Variants in TJP1 observed in about 807,000 individuals in gnomAD.
TJP1 encodes the protein tight junction protein ZO-1.
Under a neutral mutation model 194.2 loss-of-function variants are expected in TJP1, and 43 were observed. The ratio of observed to expected loss-of-function variants is 0.22; its 90% CI spans 0.17 to 0.29. The LOEUF (loss-of-function observed/expected upper bound fraction) is 0.29, where lower values mean the gene tolerates loss of function less well. Among genes scored for constraint, TJP1 ranks in the 10% least tolerant of loss-of-function variants. The probability of loss-of-function intolerance (pLI) is 1.00; values close to 1 mark genes in which losing one functional copy is unlikely to be tolerated. For missense variants in TJP1, 1,971 were observed against 2,185.7 expected (o/e 0.90, Z 1.96); for synonymous variants, 801 against 779.0 (o/e 1.03, Z -0.47).
At chr15:29,795,398 T>TA (rs1436929565) in intron 2 of TJP1, among the ~76,000 whole-genome samples, 1 of 138,556 alleles carries the variant, frequency 7.2e-6, no homozygotes, top group African/African-American at 2.7e-5. Context: ...GCTTGGGTGA[T>TA]ACAGCAAGAC....
chr15:29,826,894 A>G (rs2050693701), upstream of TJP1, among the ~76,000 whole-genome samples: 1 of 152,128 alleles, frequency 6.6e-6, no homozygotes, highest in African/African-American at 2.4e-5. Flanking sequence ...GGTCAATGGG[A>G]AAATGAGGCA....
At chr15:29,712,729 G>T (rs2042314559) in intron 23 of TJP1, among the ~76,000 whole-genome samples, 1 of 150,924 alleles carries the variant, frequency 6.6e-6, no homozygotes, top group Admixed American at 6.6e-5. Context: ...CTAATAGTGA[G>T]CAAAGAAATT....
Position 29,718,724 on chromosome 15 carries a change from A to T in TJP1, c.3418T>A (p.Tyr1140Asn). ...TGTTCGTAACGTGGTCTGCTGTCGTAAGACAGAGGGGCTGGCTCTTCAAAA... is the reference window on the plus strand; with the variant it reads ...TGTTCGTAACGTGGTCTGCTGTCGTTAGACAGAGGGGCTGGCTCTTCAAAA... ...PRFEEPAPLS[Y>N]DSRPRYEQAP... is the part of the protein sequence containing the mutation. Residue 1140 changes from tyrosine to asparagine, a missense_variant, in exon 21 of 28, where the codon TAC (tyrosine) becomes AAC (asparagine). By Grantham distance (143) the Tyr-to-Asn change is moderately radical. Transcript: ENST00000614355. The T allele has an allele frequency of 6.2e-7, 1 of 1,614,102 alleles. No homozygotes were observed. The highest frequency in any genetic ancestry group is 1.1e-5 in the South Asian group (1 of 91,068).
intron 2 of TJP1, among the ~76,000 whole-genome samples, chr15:29,877,042 T>C (rs2052727752): frequency 6.6e-6 from 1 of 152,234 alleles, no homozygotes; most frequent in Admixed American, 6.5e-5. Context: ...CTGTGTAACA[T>C]GCCAGTCTGC....
chr15:29,702,799 A>C (rs1008654741), intron 27 of TJP1, among the ~76,000 whole-genome samples: 82 of 152,224 alleles, frequency 5.4e-4, no homozygotes, highest in African/African-American at 1.9e-3. Flanking sequence ...GATAACATTA[A>C]AATATGCTCT....
At chr15:29,795,852 AAAC>A (rs766884164) in intron 2 of TJP1, among the ~76,000 whole-genome samples, 19 of 152,298 alleles carry the variant, frequency 1.2e-4, no homozygotes, top group African/African-American at 2.2e-4. Context: ...GCTGTTCAAC[AAAC>A]AACAAGAAAT....
At chr15:29,815,467 A>G (rs751452166) in intron 1 of TJP1, among the ~76,000 whole-genome samples, 2 of 152,246 alleles carry the variant, frequency 1.3e-5, no homozygotes, top group Non-Finnish European at 2.9e-5. Context: ...TATTTAACAT[A>G]TCAAAACTTT....
rs973028200 is a variant in TJP1 at position 29,728,110 on chromosome 15, A to G, written c.2018-91T>C. The G allele has an allele frequency of 5.0e-6, 5 of 990,534 alleles. No homozygotes were observed. In the African/African-American group the frequency reaches 6.4e-5, roughly 13 times the overall value. 61.4% of individuals were successfully genotyped at this position (990,534 alleles called of 1,614,324 possible). A position where few individuals can be genotyped will look rare whatever the true frequency, so the allele number is the denominator to read the frequency against. On this transcript the variant is annotated intron_variant, in intron 15 of 27. Transcript: ENST00000614355. ...CTACTGGCCACAACTGATATGCCGG[A>G]CTGGATAGTACTTTGTTTGTGGAAA...
rs947195231 is a variant in TJP1 at position 29,716,830 on chromosome 15, T to G, written c.3983A>C (p.Glu1328Ala). The change falls in exon 23 of 28, where the codon GAA (glutamate) becomes GCA (alanine). Residue 1328 changes from glutamate (E) to alanine (A), a missense_variant. Physicochemically the swap from Glu to Ala is moderately radical, Grantham distance 107. This residue lies in a region of TJP1 where 1,108 missense variants were observed against 1,128.5 expected (regional missense o/e 0.98). Transcript: ENST00000614355. ...EHDKTLYRIP[E>A]PQKPQLKPPE... is the part of the protein sequence containing the mutation. ...TGGCTTCAGTTGAGGTTTTTGAGGT[T>G]CTGGGATCCTAACAGATAATGAATG... The G allele has an allele frequency of 1.9e-6, 3 of 1,600,238 alleles. No homozygotes were observed. The Admixed American group carries it at 5.0e-5, about 27-fold the overall frequency.
At chr15:29,728,104 T>C (rs1380300660) in intron 15 of TJP1, 85 bp from the exon 16 acceptor site, 5 of 1,092,432 alleles carry the variant, frequency 4.6e-6, no homozygotes, top group African/African-American at 1.5e-5. Context: ...ACAACTGATA[T>C]GCCGGACTGG....
At chr15:29,705,794 T>C in intron 25 of TJP1, 49 bp from the exon 26 acceptor site, 1 of 1,549,398 alleles carries the variant, frequency 6.5e-7, no homozygotes, top group Non-Finnish European at 8.9e-7. Context: ...AATACACAGG[T>C]GCTTTGCTTT....
upstream of TJP1, chr15:29,823,155 G>C (rs1396808493): frequency 6.6e-6 from 1 of 152,242 alleles, no homozygotes; most frequent in East Asian, 1.9e-4. Flanking sequence ...CGCCCATCTA[G>C]ACAGGAATCT....
chr15:29,833,945 C>T (rs1344878069), intron 2 of TJP1, among the ~76,000 whole-genome samples: 2 of 95,328 alleles, frequency 2.1e-5, no homozygotes, highest in Admixed American at 1.4e-4. Flanking sequence ...TGCAGTGGCG[C>T]AATCTCGGCT....
At chr15:29,926,456 C>G (rs150219221) in intron 2 of TJP1, among the ~76,000 whole-genome samples, 1 of 152,042 alleles carries the variant, frequency 6.6e-6, no homozygotes, top group East Asian at 1.9e-4. Context: ...CAAAAAAATG[C>G]AACAAATTAA....
chr15:29,911,776 C>A (rs2054022564), intron 2 of TJP1, among the ~76,000 whole-genome samples: 1 of 152,172 alleles, frequency 6.6e-6, no homozygotes, highest in African/African-American at 2.4e-5. Context: ...AGTTCAGTCT[C>A]ATAATGAAAG....
At chr15:29,944,461 G>A (rs1032113012) in intron 2 of TJP1, among the ~76,000 whole-genome samples, 1 of 152,128 alleles carries the variant, frequency 6.6e-6, no homozygotes, top group African/African-American at 2.4e-5. Context: ...GTGGGGGGAC[G>A]GGGACGGGGG....
At chr15:29,711,052 A>C in intron 23 of TJP1, 52 bp from the exon 24 acceptor site, 1 of 1,508,758 alleles carries the variant, frequency 6.6e-7, no homozygotes, top group Non-Finnish European at 8.9e-7. Flanking sequence ...TCACATTTAC[A>C]AAACAAGTTC....
chr15:29,732,784 G>A lies in TJP1; in HGVS notation c.1768C>T (p.Leu590Phe), dbSNP rs1318816105. 1 of 1,612,740 alleles carries A rather than the reference G, an allele frequency of 6.2e-7. No individual in the cohort carries two copies. The highest frequency in any genetic ancestry group is 8.5e-7 in the Non-Finnish European group (1 of 1,179,612). The part of the protein sequence containing the change: ...AEQLASVQYT[L>F]PKTAGGDRAD... ...CGGTCTCCGCCTGCTGTTTTTGGAA[G>A]TGTATACTGTACACTGGCTAGCTGC... The change falls in exon 14 of 28, where the codon CTT (leucine) becomes TTT (phenylalanine). Residue 590 changes from leucine (L) to phenylalanine (F), a missense_variant. Leu to Phe is a conservative substitution (Grantham distance 22, BLOSUM62 0). This residue lies in a region of TJP1 where 402 missense variants were observed against 484.2 expected (regional missense o/e 0.83). Coordinates refer to ENST00000614355, the MANE Select transcript of TJP1 (RefSeq NM_001330239.4).
intron 1 of TJP1, among the ~76,000 whole-genome samples, chr15:29,805,471 T>C (rs1478389880): frequency 2.0e-5 from 3 of 152,196 alleles, no homozygotes; most frequent in Non-Finnish European, 4.4e-5. Context: ...ATTATCTAAA[T>C]ACACAGCCAG....
Sources: gnomAD v4.1 joint callset for allele counts (sites outside exome capture counted in the v4.1 genomes callset) on GRCh38, gnomAD v4.1.1 for gene constraint, gnomAD v4.1.1 regional missense constraint, MANE v1.5 for transcripts, NCBI Gene and HGNC (gene_info 2026-07-23, HGNC 2026-07-21) for gene names.